Variants in GDPD5 observed in about 807,000 individuals in gnomAD.
GDPD5 encodes glycerophosphodiester phosphodiesterase domain containing 5.
In GDPD5, 48 loss-of-function variants were observed where a neutral mutation model predicts 75.1. The observed-to-expected ratio is 0.64, with a 90% CI of 0.51 to 0.81. The LOEUF is 0.81. Among genes scored for constraint, GDPD5 ranks in the 40% least tolerant of loss-of-function variants. The pLI is 0.00. For synonymous variants in GDPD5, 336 were observed against 339.0 expected (o/e 0.99, Z 0.10); for missense variants, 706 against 822.6 (o/e 0.86, Z 1.73).
At chr11:75,455,527 C>G (rs2135258082) in intron 6 of GDPD5, among the ~76,000 whole-genome samples, 1 of 152,344 alleles carries the variant, frequency 6.6e-6, no homozygotes, top group South Asian at 2.1e-4. Flanking sequence ...CCACACAGCC[C>G]AACCCAGGCT....
At chr11:75,439,260 G>C (rs942483882) in intron 15 of GDPD5, 5 of 448,460 alleles carry the variant, frequency 1.1e-5, no homozygotes, top group Non-Finnish European at 2.2e-5. Flanking sequence ...TGCACGGTGG[G>C]TTTTTAGACA....
At chr11:75,510,137 C>T (rs1452846857) in intron 1 of GDPD5, among the ~76,000 whole-genome samples, 2 of 152,214 alleles carry the variant, frequency 1.3e-5, no homozygotes. Context: ...GGGCAAAGTT[C>T]CCTGGCAGCG....
chr11:75,470,333 A>T (rs1949632394), intron 3 of GDPD5, among the ~76,000 whole-genome samples: 2 of 152,226 alleles, frequency 1.3e-5, no homozygotes, highest in Middle Eastern at 3.2e-3. Flanking sequence ...TATCATTTGA[A>T]TTAATTTTAT....
At chr11:75,514,284 G>A (rs928170081) in intron 1 of GDPD5, among the ~76,000 whole-genome samples, 5 of 152,234 alleles carry the variant, frequency 3.3e-5, no homozygotes, top group Admixed American at 6.5e-5. Flanking sequence ...AGGTTGGCTA[G>A]GGTCCCAGAG....
chr11:75,473,724 G>A (rs922875087), intron 3 of GDPD5, among the ~76,000 whole-genome samples: 1 of 152,162 alleles, frequency 6.6e-6, no homozygotes, highest in Non-Finnish European at 1.5e-5. Flanking sequence ...TGAGCCGGTG[G>A]ACTGAATTCC....
At chr11:75,449,157 G>A in intron 8 of GDPD5, 35 bp from the exon 9 acceptor site, 1 of 1,546,606 alleles carries the variant, frequency 6.5e-7, no homozygotes, top group Non-Finnish European at 8.7e-7. Flanking sequence ...TGCCTGGTGA[G>A]CCCTGGGCAG....
At chr11:75,482,070 G>A (rs1158253203) in intron 2 of GDPD5, among the ~76,000 whole-genome samples, 4 of 151,980 alleles carry the variant, frequency 2.6e-5, no homozygotes, top group South Asian at 2.1e-4. Context: ...CTCCTTTCCC[G>A]GGACCCCCCT....
At chr11:75,481,105 G>T (rs770944667) in intron 2 of GDPD5, among the ~76,000 whole-genome samples, 1 of 152,204 alleles carries the variant, frequency 6.6e-6, no homozygotes, top group African/African-American at 2.4e-5. Flanking sequence ...GGGAGGAAAG[G>T]GAGCCTGTGG....
chr11:75,440,503 CA>C (rs1398090287), intron 14 of GDPD5, among the ~76,000 whole-genome samples: 2 of 152,204 alleles, frequency 1.3e-5, no homozygotes, highest in African/African-American at 4.8e-5. Context: ...GGTGCCCAGT[CA>C]ACCAGCTAAA....
intron 3 of GDPD5, among the ~76,000 whole-genome samples, chr11:75,468,682 C>T (rs545831188): frequency 6.6e-6 from 1 of 152,116 alleles, no homozygotes; most frequent in Non-Finnish European, 1.5e-5. Flanking sequence ...CCCCGACGCC[C>T]CCCCCCCGGG....
intron 5 of GDPD5, 85 bp from the exon 6 acceptor site, chr11:75,456,901 C>A (rs568012535): frequency 1.5e-6 from 2 of 1,348,730 alleles, no homozygotes; most frequent in Non-Finnish European, 2.1e-6. Flanking sequence ...CTCCCCACTG[C>A]GGCTCTGGGC....
At chr11:75,472,685 C>T (rs769969442) in intron 3 of GDPD5, among the ~76,000 whole-genome samples, 8 of 152,192 alleles carry the variant, frequency 5.3e-5, no homozygotes, top group South Asian at 2.1e-4. Flanking sequence ...ATCCCCTAAC[C>T]GCTTCCTCAC....
chr11:75,495,144 G>A lies in GDPD5; in HGVS notation c.-144-4824C>T, dbSNP rs1950186808. Among the ~76,000 whole-genome samples the A allele has an allele frequency of 3.3e-5, 5 of 151,864 alleles. No individual in the cohort carries two copies. In the South Asian group the frequency reaches 8.3e-4, roughly 25 times the overall value. ...TAGCCGGGTGTGATGGCACGTGCCT[G>A]TAGTCTCAGCTACTTGGGAGGCTGA... is the stretch of plus-strand genomic sequence containing the variant. On this transcript the variant is annotated intron_variant, in intron 1 of 16. Transcript: ENST00000336898.
chr11:75,466,033 G>A (rs961381796), intron 3 of GDPD5, among the ~76,000 whole-genome samples: 1 of 152,236 alleles, frequency 6.6e-6, no homozygotes, highest in South Asian at 2.1e-4. Context: ...CCTTACAGTG[G>A]AGCAAGGCAG....
In GDPD5 at chr11:75,456,685, A is replaced by C. The variant is rs542490563; in HGVS notation, c.375+72T>G. The stretch of plus-strand genomic sequence containing the variant: ...GATCCAGGGGAGGGACATGGTGGCC[A>C]GGCCCTTCCTCTGCTGCTGCTGCCT... On this transcript the variant is annotated intron_variant, in intron 6 of 16. Transcript: ENST00000336898. The C allele has an allele frequency of 1.2e-5, 17 of 1,436,194 alleles. No homozygotes were observed. In the Admixed American group the frequency reaches 2.7e-4, roughly 23 times the overall value. The allele number at this position is 1,436,194 out of a possible 1,614,324, so 89.0% of individuals were successfully genotyped here.
At chr11:75,443,038 G>A (rs75595504) in intron 11 of GDPD5, 98 bp downstream of exon 11, 3 of 1,376,048 alleles carry the variant, frequency 2.2e-6, no homozygotes, top group African/African-American at 2.9e-5. Flanking sequence ...CTCTGAGAGT[G>A]GGGGTCTCGA....
At chr11:75,455,785 G>A (rs1397187555) in intron 6 of GDPD5, among the ~76,000 whole-genome samples, 1 of 152,220 alleles carries the variant, frequency 6.6e-6, no homozygotes, top group Non-Finnish European at 1.5e-5. Flanking sequence ...AGGGCCCCAA[G>A]AAGGCCAGGC....
intron 3 of GDPD5, among the ~76,000 whole-genome samples, chr11:75,469,257 A>G (rs1949602024): frequency 6.6e-6 from 1 of 152,150 alleles, no homozygotes; most frequent in Non-Finnish European, 1.5e-5. Flanking sequence ...AATCTCACTC[A>G]CAGGCTGCAT....
chr11:75,516,532 C>T (rs1183892065), intron 1 of GDPD5, among the ~76,000 whole-genome samples: 1 of 152,208 alleles, frequency 6.6e-6, no homozygotes, highest in African/African-American at 2.4e-5. Flanking sequence ...CCCATGATTA[C>T]ATGTGCAGGC....
Sources: allele counts gnomAD v4.1 joint callset (sites outside exome capture counted in the v4.1 genomes callset), GRCh38; gene constraint gnomAD v4.1.1; transcripts MANE v1.5; gene names NCBI Gene and HGNC (gene_info 2026-07-23, HGNC 2026-07-21).